Variants in NSRP1 observed in about 807,000 individuals in gnomAD.
NSRP1 encodes the protein coiled-coil domain containing 55.
NSRP1 carries 24 observed loss-of-function variants against 54.7 expected under a neutral mutation model. The ratio of observed to expected loss-of-function variants is 0.44; its 90% CI spans 0.32 to 0.62. The LOEUF (loss-of-function observed/expected upper bound fraction) is 0.62, where lower values mean the gene tolerates loss of function less well. Among genes scored for constraint, NSRP1 ranks in the 20% least tolerant of loss-of-function variants. The pLI, the probability that NSRP1 is intolerant of heterozygous loss-of-function variation, is 0.06. For synonymous variants in NSRP1, 210 were observed against 213.8 expected, an observed-to-expected ratio of 0.98 and a Z score of 0.15; for missense variants, 596 against 651.2, an observed-to-expected ratio of 0.92 and a Z score of 0.92.
intron 2 of NSRP1, among the ~76,000 whole-genome samples, chr17:30,120,082 C>T (rs78204963): frequency 0.027 from 4,116 of 152,176 alleles, 166 homozygotes; most frequent in African/African-American, 0.094. Flanking sequence ...CAGACAAATG[C>T]TCATATTTCT....
chr17:30,163,981 C>T (rs1044288233), intron 2 of NSRP1, among the ~76,000 whole-genome samples: 3 of 152,040 alleles, frequency 2.0e-5, no homozygotes, highest in Non-Finnish European at 2.9e-5. Flanking sequence ...CCACCGTACC[C>T]GGCCAATGAC....
chr17:30,176,615 C>CT (rs1280206223), intron 3 of NSRP1, among the ~76,000 whole-genome samples: 17 of 122,676 alleles, frequency 1.4e-4, no homozygotes. Context: ...GTCCCCCCCC[C>CT]CCCAAAAAAA....
intron 2 of NSRP1, among the ~76,000 whole-genome samples, chr17:30,167,047 A>G (rs1904756279): frequency 6.6e-6 from 1 of 151,672 alleles, no homozygotes; most frequent in African/African-American, 2.4e-5. Flanking sequence ...TCCCTCACTT[A>G]CCCTTCCCAG....
At chr17:30,173,447 A>G (rs34698290) in intron 3 of NSRP1, among the ~76,000 whole-genome samples, 59,023 of 152,056 alleles carry the variant, frequency 0.39, 13,699 homozygotes, top group East Asian at 0.82. Context: ...TTTTTCTGCT[A>G]TTGTAGACTA....
chr17:30,184,953 A>G lies in NSRP1; in HGVS notation c.956A>G (p.Gln319Arg). The change falls in exon 7 of 7, where the codon CAG (glutamine) becomes CGG (arginine). Residue 319 changes from glutamine (Q) to arginine (R), a missense_variant. Physicochemically the swap from Gln to Arg is conservative, Grantham distance 43. Transcript: ENST00000247026. ...AGAGGACATGAGAAAAGGGAAGATCAGCACCAGCAGAAGCAATCCAGAGAC... is the reference window on the plus strand; with the variant it reads ...AGAGGACATGAGAAAAGGGAAGATCGGCACCAGCAGAAGCAATCCAGAGAC... Reference protein sequence around the residue: ...TSRGHEKREDQHQQKQSRDQE... With the variant: ...TSRGHEKREDRHQQKQSRDQE... 3 of 1,614,164 alleles carry G rather than the reference A, an allele frequency of 1.9e-6. No homozygotes were observed. Among genetic ancestry groups the G allele is most frequent in the Non-Finnish European group, 1.7e-6 (2 of 1,180,040 alleles).
At chr17:30,134,189 CA>C (rs1287582337) in intron 2 of NSRP1, among the ~76,000 whole-genome samples, 2 of 152,214 alleles carry the variant, frequency 1.3e-5, no homozygotes, top group Non-Finnish European at 2.9e-5. Flanking sequence ...AGTCAGAAAA[CA>C]CACAACATGT....
At chr17:30,177,375 T>TA (rs35998302) in intron 3 of NSRP1, among the ~76,000 whole-genome samples, 72,944 of 147,922 alleles carry the variant, frequency 0.49, 18,051 homozygotes, top group East Asian at 0.81. Flanking sequence ...CCCATCGCTT[T>TA]AAAAAAAAAA....
intron 2 of NSRP1, among the ~76,000 whole-genome samples, chr17:30,143,274 A>G (rs2071822718): frequency 6.6e-6 from 1 of 152,242 alleles, no homozygotes; most frequent in African/African-American, 2.4e-5. Flanking sequence ...ACTTTCTGAA[A>G]CAAAATTACT....
At chr17:30,178,248 G>A (rs756198869) in intron 4 of NSRP1, 49 bp downstream of exon 4, 51 of 1,569,312 alleles carry the variant, frequency 3.2e-5, no homozygotes, top group Non-Finnish European at 4.1e-5. Flanking sequence ...CCTACATTTT[G>A]TGTCTTAATC....
Position 30,180,894 on chromosome 17 carries a change from T to A in NSRP1, c.509-14T>A. The stretch of plus-strand genomic sequence containing the variant: ...TTATTGAATATATTCTAATTTTTGC[T>A]TTCCCTCTGTTAGCATGTTTGGATG... On this transcript the variant is annotated splice_polypyrimidine_tract_variant and intron_variant, in intron 5 of 6. Transcript: ENST00000247026. 1 of 1,557,866 alleles carries A rather than the reference T, an allele frequency of 6.4e-7. No homozygotes were observed. The highest frequency in any genetic ancestry group is 8.8e-7 in the Non-Finnish European group (1 of 1,130,248).
rs1045085868 is a variant in NSRP1 at position 30,128,172 on chromosome 17, T to TTA, written c.114+10012_114+10013dup. On this transcript the variant is annotated intron_variant, in intron 2 of 6. Coordinates refer to ENST00000247026, the MANE Select transcript of NSRP1 (RefSeq NM_032141.4). ...AGTATGTGTATATATGTATATGTAG[T>TTA]TATATATATATATAAAATTATATAT... The TTA allele has an allele frequency of 3.4e-3, 593 of 174,758 alleles. 9 individuals are homozygous for TTA. The highest frequency in any genetic ancestry group is 0.013 in the East Asian group (86 of 6,802). 10.8% of individuals were successfully genotyped at this position (174,758 alleles called of 1,614,324 possible). A position where few individuals can be genotyped will look rare whatever the true frequency, so the allele number is the denominator to read the frequency against.
intron 2 of NSRP1, 105 bp downstream of exon 2, chr17:30,118,278 G>A (rs951986709): frequency 4.0e-6 from 3 of 750,610 alleles, no homozygotes; most frequent in Non-Finnish European, 6.5e-6. Flanking sequence ...TCAGTACAGT[G>A]GAGTATAATT....
intron 6 of NSRP1, among the ~76,000 whole-genome samples, chr17:30,181,905 C>T (rs1044913470): frequency 3.3e-5 from 5 of 151,978 alleles, no homozygotes; most frequent in African/African-American, 1.2e-4. Flanking sequence ...CCACCACGCC[C>T]AGCCTCTTTT....
At position 30,184,946 on chromosome 17, in the gene NSRP1, G is replaced by A. The variant is rs1280226476; in HGVS notation, c.949G>A (p.Glu317Lys). Residue 317 changes from glutamate (E) to lysine (K), a missense_variant, in exon 7 of 7, where the codon GAA (glutamate) becomes AAA (lysine). Physicochemically the swap from Glu to Lys is moderately conservative, Grantham distance 56. Transcript: ENST00000247026. ...SRTSRGHEKR[E>K]DQHQQKQSRD... ...AACGTCGAGAGGACATGAGAAAAGG[G>A]AAGATCAGCACCAGCAGAAGCAATC... 1 of 1,614,096 alleles carries A rather than the reference G, an allele frequency of 6.2e-7. No homozygotes were observed. The highest frequency in any genetic ancestry group is 1.1e-5 in the South Asian group (1 of 91,076).
chr17:30,181,545 A>C (rs920851109), intron 6 of NSRP1, among the ~76,000 whole-genome samples: 8 of 149,572 alleles, frequency 5.3e-5, no homozygotes, highest in Non-Finnish European at 8.9e-5. Context: ...GCAAGCCATC[A>C]TGCCCAGCGA....
chr17:30,140,551 T>C (rs9901289), intron 2 of NSRP1, among the ~76,000 whole-genome samples: 8 of 125,528 alleles, frequency 6.4e-5, no homozygotes, highest in Non-Finnish European at 1.3e-4. Flanking sequence ...TTTTTTGAGA[T>C]GGAGTCTTGC....
chr17:30,181,401 T>C lies in NSRP1; in HGVS notation c.617+385T>C, dbSNP rs570795045. Among the ~76,000 whole-genome samples, 140 of 136,682 alleles carry C rather than the reference T, an allele frequency of 1.0e-3. 2 individuals are homozygous for C. The Middle Eastern group carries it at 0.011, about 11-fold the overall frequency. 89.7% of individuals were successfully genotyped at this position (136,682 alleles called of 152,430 possible). ...AAATTGTAGTTTTTTCTTTTTTCTT[T>C]TTTTTTTTTTTTTTTGAGGCAGAGT... On this transcript the variant is annotated intron_variant, in intron 6 of 6. Transcript: ENST00000247026.
chr17:30,164,206 TC>T (rs1235486244), intron 2 of NSRP1, among the ~76,000 whole-genome samples: 1 of 152,188 alleles, frequency 6.6e-6, no homozygotes, highest in East Asian at 1.9e-4. Context: ...TAGATTATAA[TC>T]TTTTTGTAGC....
intron 1 of NSRP1, 123 bp from the exon 2 acceptor site, chr17:30,117,957 T>TA (rs2071557787): frequency 4.1e-6 from 3 of 734,392 alleles, no homozygotes; most frequent in African/African-American, 3.5e-5. Context: ...AACAGTCTGT[T>TA]ACGTGTTCAT....
Sources: allele counts gnomAD v4.1 joint callset (sites outside exome capture counted in the v4.1 genomes callset), GRCh38; gene constraint gnomAD v4.1.1; transcripts MANE v1.5; gene names NCBI Gene and HGNC (gene_info 2026-07-23, HGNC 2026-07-21).